LRP1B: variants seen among roughly 807,000 people sequenced by gnomAD.
LRP1B encodes low-density lipoprotein receptor-related protein 1B.
A neutral mutation model predicts 556.6 loss-of-function variants in LRP1B; 217 were observed. The ratio of observed to expected loss-of-function variants is 0.39; its 90% CI spans 0.35 to 0.44. LRP1B has a LOEUF of 0.44. LRP1B is among the 20% of genes least tolerant of loss of function. The pLI is 1.00. For missense variants in LRP1B, 5,053 were observed against 5,620.8 expected, an observed-to-expected ratio of 0.90 and a Z score of 3.23; for synonymous variants, 2,047 against 1,865.8, an observed-to-expected ratio of 1.10 and a Z score of -2.50.
intron 41 of LRP1B, chr2:140,683,895 C>T (rs976635033): frequency 3.9e-5 from 20 of 515,846 alleles, no homozygotes; most frequent in South Asian, 8.6e-5. Flanking sequence ...ACTGAGGGGT[C>T]CATGCCGGGC....
rs937901762 is a variant in LRP1B, at chr2:141,326,686, A to G, written c.344-72045T>C. ...CATGTAGTAGATGAAGGCCAGAGAT[A>G]GTGCTAAACATCCTACAACGTACAA... On this transcript the variant is annotated intron_variant, in intron 3 of 90. Transcript: ENST00000389484. Among the ~76,000 whole-genome samples, 4 of 152,138 alleles carry G rather than the reference A, an allele frequency of 2.6e-5. No individual in the cohort carries two copies. The South Asian group carries it at 8.3e-4, about 31-fold the overall frequency.
At chr2:140,978,953 C>G (rs1696684635) in intron 18 of LRP1B, among the ~76,000 whole-genome samples, 1 of 152,026 alleles carries the variant, frequency 6.6e-6, no homozygotes, top group South Asian at 2.1e-4. Flanking sequence ...TGCTGCAGGC[C>G]TCTTGTACCA....
At chr2:142,009,722 T>C (rs1425534427) in intron 1 of LRP1B, among the ~76,000 whole-genome samples, 1 of 152,214 alleles carries the variant, frequency 6.6e-6, no homozygotes, top group Non-Finnish European at 1.5e-5. Context: ...AGTTCATATA[T>C]ATGTGTATGC....
intron 3 of LRP1B, among the ~76,000 whole-genome samples, chr2:141,431,742 A>G (rs1680569107): frequency 6.6e-6 from 1 of 152,062 alleles, no homozygotes; most frequent in African/African-American, 2.4e-5. Flanking sequence ...AATATTATAC[A>G]TTTTAAATTT....
At chr2:140,723,602 T>C (rs917118345) in intron 35 of LRP1B, among the ~76,000 whole-genome samples, 7 of 152,200 alleles carry the variant, frequency 4.6e-5, no homozygotes, top group Non-Finnish European at 1.0e-4. Flanking sequence ...AAGAGTGAGA[T>C]GAACTAAGGA....
chr2:141,058,439 AT>A, intron 9 of LRP1B, among the ~76,000 whole-genome samples: 1 of 151,828 alleles, frequency 6.6e-6, no homozygotes, highest in Admixed American at 6.6e-5. Context: ...CTCATTGAAA[AT>A]TACTTTTTAA....
chr2:140,784,886 A>C (rs1689841977), intron 32 of LRP1B, among the ~76,000 whole-genome samples: 1 of 152,120 alleles, frequency 6.6e-6, no homozygotes, highest in Non-Finnish European at 1.5e-5. Flanking sequence ...TACGATCTTA[A>C]GAGATAGTTG....
chr2:141,266,530 T>A (rs935722393), intron 3 of LRP1B, among the ~76,000 whole-genome samples: 31 of 152,058 alleles, frequency 2.0e-4, no homozygotes, highest in African/African-American at 5.6e-4. Flanking sequence ...ACAATTTTTT[T>A]TAAAAAATCT....
At chr2:140,479,486 A>G (rs34882010) in intron 59 of LRP1B, among the ~76,000 whole-genome samples, 7,254 of 152,230 alleles carry the variant, frequency 0.048, 207 homozygotes, top group African/African-American at 0.052. Context: ...ACATAAAAGA[A>G]TGTCTGCTTG....
At chr2:140,276,784 T>A (rs1343018166) in intron 84 of LRP1B, among the ~76,000 whole-genome samples, 1 of 151,954 alleles carries the variant, frequency 6.6e-6, no homozygotes, top group Admixed American at 6.6e-5. Flanking sequence ...AAGGTTGCCA[T>A]GGTGGATATA....
chr2:141,481,122 T>A (rs1682904664), intron 2 of LRP1B, among the ~76,000 whole-genome samples: 1 of 152,194 alleles, frequency 6.6e-6, no homozygotes, highest in South Asian at 2.1e-4. Context: ...TAAAATTTGC[T>A]AAAGAACAGG....
chr2:141,223,545 A>G (rs1214444875), intron 6 of LRP1B, among the ~76,000 whole-genome samples: 2 of 152,222 alleles, frequency 1.3e-5, no homozygotes, highest in Admixed American at 1.3e-4. Flanking sequence ...TAAAATTCAT[A>G]TGACATCAAA....
chr2:140,920,098 C>T (rs1260833212), intron 21 of LRP1B, among the ~76,000 whole-genome samples: 2 of 151,996 alleles, frequency 1.3e-5, no homozygotes, highest in East Asian at 1.9e-4. Context: ...ACCTTGCGAT[C>T]ACTATGAAGA....
intron 41 of LRP1B, among the ~76,000 whole-genome samples, chr2:140,670,662 T>C (rs992759593): frequency 3.0e-5 from 4 of 133,404 alleles, no homozygotes; most frequent in Non-Finnish European, 6.5e-5. Flanking sequence ...ATAGTTAATC[T>C]TTTAAAAAAA....
chr2:141,951,167 T>A lies in LRP1B; in HGVS notation c.83-140766A>T, dbSNP rs560919029. Among the ~76,000 whole-genome samples the A allele has an allele frequency of 3.3e-5, 5 of 152,300 alleles. No homozygotes were observed. In the South Asian group the frequency reaches 6.2e-4, roughly 19 times the overall value. ...TTTCACATTATGCTTTCTTCTATGA[T>A]CATTCCTTTATATTTTTAAATCACT... On this transcript the variant is annotated intron_variant, in intron 1 of 90. Transcript: ENST00000389484.
chr2:140,489,031 C>T (rs1688593287), intron 57 of LRP1B, among the ~76,000 whole-genome samples: 1 of 151,902 alleles, frequency 6.6e-6, no homozygotes, highest in Admixed American at 6.6e-5. Context: ...AAGAGACAAG[C>T]CAAGGCTAAT....
At chr2:141,606,592 GCATGGGCCTTAATA>G (rs1233012670) in intron 2 of LRP1B, among the ~76,000 whole-genome samples, 1 of 152,192 alleles carries the variant, frequency 6.6e-6, no homozygotes, top group Non-Finnish European at 1.5e-5. Flanking sequence ...GAGGCCTTTA[GCATGGGCCTTAATA>G]CAATCTGACT....
chr2:140,631,345 G>A (rs1351159667), intron 41 of LRP1B, among the ~76,000 whole-genome samples: 5 of 152,204 alleles, frequency 3.3e-5, no homozygotes, highest in Non-Finnish European at 7.3e-5. Context: ...CAAAATAGCA[G>A]AGATTTTGGA....
chr2:140,597,589 A>C (rs1341521741), intron 43 of LRP1B, among the ~76,000 whole-genome samples: 1 of 152,204 alleles, frequency 6.6e-6, no homozygotes, highest in Non-Finnish European at 1.5e-5. Flanking sequence ...AGAAATCTAA[A>C]GTTTATAAAG....
Sources: allele counts gnomAD v4.1 joint callset (sites outside exome capture counted in the v4.1 genomes callset), GRCh38; gene constraint gnomAD v4.1.1; transcripts MANE v1.5; gene names NCBI Gene and HGNC (gene_info 2026-07-23, HGNC 2026-07-21).